Variants in STARD6 observed in about 807,000 individuals in gnomAD.
The protein encoded by STARD6 is stAR-related lipid transfer protein 6.
In STARD6, 21 loss-of-function variants were observed where a neutral mutation model predicts 22.3. That is an observed-to-expected ratio of 0.94 (90% confidence interval 0.67 to 1.35). The LOEUF (loss-of-function observed/expected upper bound fraction) is 1.35. STARD6 is among the 40% of genes most tolerant of loss of function. The pLI is 0.00. For missense variants in STARD6, 269 were observed against 266.9 expected, an observed-to-expected ratio of 1.01 and a Z score of -0.05; for synonymous variants, 80 against 88.1, an observed-to-expected ratio of 0.91 and a Z score of 0.52.
chr18:54,329,058 T>C (rs1285049863), intron 7 of STARD6, among the ~76,000 whole-genome samples: 1 of 152,110 alleles, frequency 6.6e-6, no homozygotes, highest in African/African-American at 2.4e-5. Flanking sequence ...ATGACTCTAA[T>C]GGAGAAATAG....
intron 4 of STARD6, 77 bp from the exon 5 acceptor site, chr18:54,337,328 TA>T: frequency 7.3e-7 from 1 of 1,375,346 alleles, no homozygotes. Context: ...TATCAAAGCA[TA>T]AAGGTAGGCT....
At chr18:54,353,645 C>A (rs2089117412) in intron 4 of STARD6, among the ~76,000 whole-genome samples, 1 of 152,198 alleles carries the variant, frequency 6.6e-6, no homozygotes, top group East Asian at 1.9e-4. Flanking sequence ...GGTGACAGAG[C>A]AAGACCCTGT....
At chr18:54,353,838 A>T (rs2089119536) in intron 4 of STARD6, 1 of 345,826 alleles carries the variant, frequency 2.9e-6, no homozygotes, top group Non-Finnish European at 5.1e-6. Context: ...ATTAGAAGAG[A>T]TTTTTTATCT....
At chr18:54,337,781 T>A (rs1215773696) in intron 4 of STARD6, among the ~76,000 whole-genome samples, 1 of 152,230 alleles carries the variant, frequency 6.6e-6, no homozygotes, top group African/African-American at 2.4e-5. Context: ...AATCTTGCAT[T>A]TTCCAGTCAC....
chr18:54,346,336 T>A (rs1360122735), intron 4 of STARD6, among the ~76,000 whole-genome samples: 1 of 152,100 alleles, frequency 6.6e-6, no homozygotes, highest in Non-Finnish European at 1.5e-5. Context: ...ATTAAGGACA[T>A]GTAAATCAAA....
In STARD6 at chr18:54,331,722, G is replaced by T; in HGVS notation, c.385+20C>A. 1.3e-6 allele frequency: 2 copies of T among 1,545,464 alleles called. No homozygotes were observed. Among genetic ancestry groups the T allele is most frequent in the Non-Finnish European group, 1.8e-6 (2 of 1,124,782 alleles). ...TGGCTCGCAGTAATTCCAAGATATGGGCAAAATGTTTCAACTTACAACTGA... is the reference window on the plus strand; with the variant it reads ...TGGCTCGCAGTAATTCCAAGATATGTGCAAAATGTTTCAACTTACAACTGA... On this transcript the variant is annotated intron_variant, in intron 6 of 7. Transcript: ENST00000307844.
rs1246420308 is a variant in STARD6 at position 54,357,617 on chromosome 18, C to T, written c.-89+175G>A. Among the ~76,000 whole-genome samples the T allele has an allele frequency of 3.3e-5, 5 of 152,168 alleles. No individual in the cohort carries two copies. In the East Asian group the frequency reaches 9.6e-4, roughly 29 times the overall value. On this transcript the variant is annotated intron_variant, in intron 1 of 7. Coordinates refer to ENST00000307844, the MANE Select transcript of STARD6 (RefSeq NM_139171.2). Reference sequence around the variant, plus strand: ...GCCGCCAGCGCCCTTAAGTCTCCCTCCCCACCCAGTCCCCTCCCGCAGACC... The same window carrying T: ...GCCGCCAGCGCCCTTAAGTCTCCCTTCCCACCCAGTCCCCTCCCGCAGACC...
In STARD6 at chr18:54,357,837, C is replaced by T. The variant is rs950200282; in HGVS notation, c.-134G>A. The T allele has an allele frequency of 6.6e-6, 1 of 152,388 alleles. No individual in the cohort carries two copies. The highest frequency in any genetic ancestry group is 1.5e-5 in the Non-Finnish European group (1 of 68,182). The allele number at this position is 152,388 out of a possible 1,614,324, so 9.4% of individuals were successfully genotyped here. A position where few individuals can be genotyped will look rare whatever the true frequency, so the allele number is the denominator to read the frequency against. On this transcript the variant is annotated 5_prime_UTR_variant, in exon 1 of 8. Transcript: ENST00000307844. ...CTAACGCTCAACAGCATCCTCTCTT[C>T]TCCGGCCGCTCCCTCATCTCCGCTC...
In STARD6 at chr18:54,331,828, CT is replaced by C. The variant is rs2088868065; in HGVS notation, c.298del (p.Ser100ValfsTer15). The part of the protein sequence containing the change: ...DTFICHTITQ[S>X]FAVGSISPRD... ...AGGGGAAATGGAGCCCACGGCAAAA[CT>C]TTGTGTAATGGTATGACATATGAAT... On this transcript the variant is annotated frameshift_variant, in exon 6 of 8. Transcript: ENST00000307844. 2 of 1,612,656 alleles carry C rather than the reference CT, an allele frequency of 1.2e-6. No individual in the cohort carries two copies. The highest frequency in any genetic ancestry group is 1.3e-5 in the African/African-American group (1 of 74,872).
In STARD6 at chr18:54,324,584, G is replaced by A. The variant is rs1288290383; in HGVS notation, c.*108C>T. On this transcript the variant is annotated 3_prime_UTR_variant, in exon 8 of 8. Transcript: ENST00000307844. ...CTTCAGCCATGTGTACAAGAATACT[G>A]TCTAGAATAGTTTAACAGTATTATT... The A allele has an allele frequency of 4.6e-6, 5 of 1,080,344 alleles. No individual in the cohort carries two copies. The highest frequency in any genetic ancestry group is 6.7e-6 in the Non-Finnish European group (5 of 748,012). The allele number at this position is 1,080,344 out of a possible 1,614,324, so 66.9% of individuals were successfully genotyped here.
intron 1 of STARD6, among the ~76,000 whole-genome samples, chr18:54,356,763 C>G (rs1657901): frequency 0.067 from 10,127 of 152,214 alleles, 384 homozygotes; most frequent in African/African-American, 0.086. Flanking sequence ...TAATCCCCGA[C>G]CAGGGCTCGT....
chr18:54,327,644 T>G (rs2088834987), intron 7 of STARD6, among the ~76,000 whole-genome samples: 1 of 152,202 alleles, frequency 6.6e-6, no homozygotes, highest in African/African-American at 2.4e-5. Context: ...GTACTTTTCA[T>G]CAACGTAATT....
intron 4 of STARD6, among the ~76,000 whole-genome samples, chr18:54,339,044 C>CAAA (rs760501311): frequency 2.9e-4 from 3 of 10,406 alleles, no homozygotes; most frequent in African/African-American, 6.2e-4. Flanking sequence ...GAGACTCCAT[C>CAAA]AAAAAAAAAA....
At chr18:54,337,680 C>G (rs931989747) in intron 4 of STARD6, among the ~76,000 whole-genome samples, 2 of 152,146 alleles carry the variant, frequency 1.3e-5, no homozygotes, top group African/African-American at 4.8e-5. Flanking sequence ...TGCAAGAGAC[C>G]AAATGAGTTG....
chr18:54,340,388 TAAGAA>T (rs2088959197), intron 4 of STARD6, among the ~76,000 whole-genome samples: 1 of 151,944 alleles, frequency 6.6e-6, no homozygotes, highest in South Asian at 2.1e-4. Flanking sequence ...TAGTTATCAC[TAAGAA>T]AATAACCAAA....
chr18:54,354,023 A>C lies in STARD6; in HGVS notation c.140+31T>G, dbSNP rs758516653. On this transcript the variant is annotated intron_variant, in intron 4 of 7. Coordinates refer to ENST00000307844, the MANE Select transcript of STARD6 (RefSeq NM_139171.2). ...ATACATCAATGGCATTGAATTTAAA[A>C]CAGTAATTGTAAATAGAAGATTGTA... The C allele has an allele frequency of 3.5e-6, 5 of 1,415,654 alleles. No homozygotes were observed. In the South Asian group the frequency reaches 5.4e-5, roughly 15 times the overall value. The allele number at this position is 1,415,654 out of a possible 1,614,324, so 87.7% of individuals were successfully genotyped here.
At chr18:54,349,849 A>G (rs1490101768) in intron 4 of STARD6, among the ~76,000 whole-genome samples, 2 of 152,062 alleles carry the variant, frequency 1.3e-5, no homozygotes, top group Admixed American at 6.5e-5. Context: ...GCTTTTTATA[A>G]CTGAGTAGTG....
At chr18:54,331,921 T>TC (rs1338935920) in intron 5 of STARD6, 62 bp from the exon 6 acceptor site, 15 of 1,226,626 alleles carry the variant, frequency 1.2e-5, no homozygotes, top group Middle Eastern at 2.0e-4. Flanking sequence ...TTGTATTGTT[T>TC]CCCCCCCAAA....
chr18:54,345,125 A>G (rs1029118420), intron 4 of STARD6, among the ~76,000 whole-genome samples: 2 of 152,172 alleles, frequency 1.3e-5, no homozygotes, highest in Admixed American at 6.5e-5. Context: ...ACATGATTTT[A>G]TATATAGAAA....
Sources: allele counts gnomAD v4.1 joint callset (sites outside exome capture counted in the v4.1 genomes callset), GRCh38; gene constraint gnomAD v4.1.1; transcripts MANE v1.5; gene names NCBI Gene and HGNC (gene_info 2026-07-23, HGNC 2026-07-21).